NAALADL2: variants seen among roughly 807,000 people sequenced by gnomAD.
NAALADL2 encodes N-acetylated alpha-linked acidic dipeptidase like 2.
In NAALADL2, 76 loss-of-function variants were observed where a neutral mutation model predicts 87.2. That is an observed-to-expected ratio of 0.87 (90% confidence interval 0.72 to 1.05). The LOEUF (loss-of-function observed/expected upper bound fraction) is 1.05, where lower values mean the gene tolerates loss of function less well. NAALADL2 is among the 50% of genes least tolerant of loss of function. The probability of loss-of-function intolerance (pLI) is 0.00; values close to 1 mark genes in which losing one functional copy is unlikely to be tolerated. For synonymous variants in NAALADL2, 354 were observed against 331.0 expected (o/e 1.07, Z -0.75); for missense variants, 1,089 against 945.8 (o/e 1.15, Z -1.99).
At chr3:174,623,653 A>T (rs1373933546) in intron 2 of NAALADL2, among the ~76,000 whole-genome samples, 8 of 58,878 alleles carry the variant, frequency 1.4e-4, no homozygotes, top group East Asian at 7.7e-4. Context: ...TGTATTTATT[A>T]AAAAAAAGTG....
intron 2 of NAALADL2, among the ~76,000 whole-genome samples, chr3:174,684,810 A>G (rs1727874918): frequency 6.6e-6 from 1 of 152,142 alleles, no homozygotes; most frequent in African/African-American, 2.4e-5. Flanking sequence ...AGTATTAAGG[A>G]GCCTGATGCA....
chr3:175,455,057 A>C (rs2149246482), intron 6 of NAALADL2, among the ~76,000 whole-genome samples: 1 of 152,220 alleles, frequency 6.6e-6, no homozygotes. Context: ...GCAAGAAGAG[A>C]GAGCAGTTGT....
chr3:175,020,679 A>G (rs78136072), intron 1 of NAALADL2, among the ~76,000 whole-genome samples: 10,566 of 152,104 alleles, frequency 0.069, 413 homozygotes, highest in Middle Eastern at 0.13. Flanking sequence ...ACTATGTCAA[A>G]CTGCTTGGCT....
intron 3 of NAALADL2, among the ~76,000 whole-genome samples, chr3:174,821,248 G>C (rs1245074494): frequency 6.6e-6 from 1 of 151,980 alleles, no homozygotes; most frequent in Non-Finnish European, 1.5e-5. Flanking sequence ...ATTACATTAG[G>C]AAATATATTT....
chr3:175,055,508 C>T (rs746780801), intron 1 of NAALADL2, among the ~76,000 whole-genome samples: 13 of 152,228 alleles, frequency 8.5e-5, no homozygotes, highest in Non-Finnish European at 1.9e-4. Flanking sequence ...GCACTACTGG[C>T]TGTGGCAGGG....
At chr3:175,592,907 A>G (rs1238564489) in intron 10 of NAALADL2, among the ~76,000 whole-genome samples, 1 of 152,162 alleles carries the variant, frequency 6.6e-6, no homozygotes, top group Non-Finnish European at 1.5e-5. Context: ...AAATAAAAAA[A>G]AGAAAAAAAA....
chr3:175,735,141 C>G (rs1230060859), intron 11 of NAALADL2, among the ~76,000 whole-genome samples: 1 of 152,172 alleles, frequency 6.6e-6, no homozygotes, highest in East Asian at 1.9e-4. Context: ...CGACAAATCT[C>G]TAGGATGGGC....
At chr3:175,437,801 A>G (rs1015843140) in intron 5 of NAALADL2, among the ~76,000 whole-genome samples, 1 of 152,172 alleles carries the variant, frequency 6.6e-6, no homozygotes, top group African/African-American at 2.4e-5. Context: ...TATACTCTGC[A>G]TAATCTATAT....
At chr3:175,186,702 CTG>C (rs1455396639) in intron 2 of NAALADL2, among the ~76,000 whole-genome samples, 6 of 152,064 alleles carry the variant, frequency 3.9e-5, no homozygotes, top group Non-Finnish European at 7.4e-5. Flanking sequence ...ATTTGTCACA[CTG>C]TGGTGGTCAT....
intron 3 of NAALADL2, among the ~76,000 whole-genome samples, chr3:174,784,001 G>A (rs1010428328): frequency 5.3e-5 from 8 of 152,054 alleles, no homozygotes; most frequent in Non-Finnish European, 1.0e-4. Context: ...GAAGCTTAGA[G>A]TATTCCAATA....
At chr3:175,334,428 G>A (rs1018113588) in intron 5 of NAALADL2, among the ~76,000 whole-genome samples, 1 of 152,064 alleles carries the variant, frequency 6.6e-6, no homozygotes, top group African/African-American at 2.4e-5. Context: ...GATGATCAAT[G>A]TATCTATTCA....
chr3:175,781,357 G>T (rs1432241242), intron 13 of NAALADL2, among the ~76,000 whole-genome samples: 1 of 151,942 alleles, frequency 6.6e-6, no homozygotes, highest in Admixed American at 6.6e-5. Flanking sequence ...ATTATAATGG[G>T]GCTGAAAATC....
At chr3:174,883,420 C>T (rs916909813) in intron 1 of NAALADL2, among the ~76,000 whole-genome samples, 11 of 152,102 alleles carry the variant, frequency 7.2e-5, no homozygotes, top group East Asian at 5.8e-4. Flanking sequence ...GTCATAATTA[C>T]GCCTAACATG....
intron 1 of NAALADL2, among the ~76,000 whole-genome samples, chr3:174,969,358 T>C (rs1743299263): frequency 6.6e-6 from 1 of 152,178 alleles, no homozygotes; most frequent in South Asian, 2.1e-4. Flanking sequence ...CCTCTTACTT[T>C]TAATATTTTC....
intron 3 of NAALADL2, among the ~76,000 whole-genome samples, chr3:174,823,080 A>G (rs1318316100): frequency 6.6e-5 from 10 of 152,158 alleles, no homozygotes; most frequent in Admixed American, 6.5e-4. Flanking sequence ...TAAAAGATTA[A>G]AGCACTTTCT....
intron 2 of NAALADL2, among the ~76,000 whole-genome samples, chr3:174,697,806 A>C (rs563531540): frequency 6.6e-6 from 1 of 152,292 alleles, no homozygotes; most frequent in Admixed American, 6.5e-5. Flanking sequence ...AAATACCAAT[A>C]AATGGCTGGA....
intron 13 of NAALADL2, among the ~76,000 whole-genome samples, chr3:175,783,663 C>T (rs1751478618): frequency 6.6e-6 from 1 of 151,928 alleles, no homozygotes; most frequent in African/African-American, 2.4e-5. Flanking sequence ...GACAATTTGA[C>T]TTCCTCTTTT....
At chr3:175,055,869 A>G (rs1386381175) in intron 1 of NAALADL2, among the ~76,000 whole-genome samples, 1 of 152,202 alleles carries the variant, frequency 6.6e-6, no homozygotes, top group African/African-American at 2.4e-5. Context: ...AGCTTTATGC[A>G]GATTACCTCC....
chr3:174,875,788 T>C (rs1271919910), intron 1 of NAALADL2, among the ~76,000 whole-genome samples: 2 of 152,180 alleles, frequency 1.3e-5, no homozygotes, highest in Non-Finnish European at 2.9e-5. Context: ...CTTAAAGTAA[T>C]ATCTTGCTGG....
Sources: gnomAD v4.1 joint callset for allele counts (sites outside exome capture counted in the v4.1 genomes callset) on GRCh38, gnomAD v4.1.1 for gene constraint, MANE v1.5 for transcripts, NCBI Gene and HGNC (gene_info 2026-07-23, HGNC 2026-07-21) for gene names.